Variants in PCDH9 observed in about 807,000 individuals in gnomAD.
The protein encoded by PCDH9 is protocadherin-9.
In PCDH9, 24 loss-of-function variants were observed where a neutral mutation model predicts 70.6. The ratio of observed to expected loss-of-function variants is 0.34; its 90% confidence interval spans 0.25 to 0.48. The LOEUF is 0.48. PCDH9 is among the 20% of genes least tolerant of loss of function. PCDH9 has a pLI of 0.99. For missense variants in PCDH9, 1,281 were observed against 1,503.6 expected (o/e 0.85, Z 2.45); for synonymous variants, 562 against 558.5 (o/e 1.01, Z -0.09).
intron 2 of PCDH9, among the ~76,000 whole-genome samples, chr13:66,943,592 C>T (rs180808740): frequency 6.6e-6 from 1 of 151,850 alleles, no homozygotes; most frequent in Non-Finnish European, 1.5e-5. Flanking sequence ...TTTTGAAAAC[C>T]CCTTTTTCAA....
intron 2 of PCDH9, among the ~76,000 whole-genome samples, chr13:66,905,193 A>T (rs1046361884): frequency 3.3e-5 from 5 of 152,054 alleles, no homozygotes; most frequent in African/African-American, 1.2e-4. Flanking sequence ...TCAAGAAAAA[A>T]AAAAGCATAG....
intron 4 of PCDH9, among the ~76,000 whole-genome samples, chr13:66,394,987 C>T (rs1957077940): frequency 6.6e-6 from 1 of 152,130 alleles, no homozygotes; most frequent in Non-Finnish European, 1.5e-5. Flanking sequence ...GAGAGAAATT[C>T]CAAAAGTTGC....
intron 4 of PCDH9, among the ~76,000 whole-genome samples, chr13:66,350,481 C>T (rs767589324): frequency 6.6e-6 from 1 of 152,114 alleles, no homozygotes; most frequent in Non-Finnish European, 1.5e-5. Flanking sequence ...CAGGCTCAGC[C>T]GTTAGTCTTC....
chr13:66,676,901 G>T (rs73198535), intron 3 of PCDH9, among the ~76,000 whole-genome samples: 34,645 of 151,884 alleles, frequency 0.23, 4,290 homozygotes, highest in Middle Eastern at 0.36. Flanking sequence ...AAAAACAAAA[G>T]AATTAATGTT....
intron 4 of PCDH9, among the ~76,000 whole-genome samples, chr13:66,589,522 G>C (rs2077011566): frequency 6.6e-6 from 1 of 152,012 alleles, no homozygotes; most frequent in South Asian, 2.1e-4. Flanking sequence ...AAAGTATAGA[G>C]CGGAATCTCA....
chr13:66,608,106 A>G (rs2077244026), intron 4 of PCDH9, among the ~76,000 whole-genome samples: 3 of 152,102 alleles, frequency 2.0e-5, no homozygotes, highest in African/African-American at 7.2e-5. Flanking sequence ...GTATTTTACA[A>G]CTGTATTTTG....
At chr13:67,098,231 A>G (rs1228868048) in intron 2 of PCDH9, among the ~76,000 whole-genome samples, 1 of 152,190 alleles carries the variant, frequency 6.6e-6, no homozygotes, top group Non-Finnish European at 1.5e-5. Context: ...ATTAATTTGC[A>G]AAATGTCAAA....
At chr13:66,622,150 A>C (rs2077430915) in intron 4 of PCDH9, among the ~76,000 whole-genome samples, 1 of 152,162 alleles carries the variant, frequency 6.6e-6, no homozygotes, top group Non-Finnish European at 1.5e-5. Context: ...CGGGCACTGC[A>C]CTCGATTTGT....
At chr13:66,972,753 T>A (rs2083547621) in intron 2 of PCDH9, among the ~76,000 whole-genome samples, 1 of 152,040 alleles carries the variant, frequency 6.6e-6, no homozygotes, top group Non-Finnish European at 1.5e-5. Flanking sequence ...CTCGTCTCCA[T>A]TACATTGATA....
At chr13:66,819,510 T>A (rs374852503) in intron 3 of PCDH9, among the ~76,000 whole-genome samples, 8 of 152,140 alleles carry the variant, frequency 5.3e-5, no homozygotes, top group African/African-American at 1.7e-4. Flanking sequence ...TGGAAATGAT[T>A]CAATGAAAGG....
intron 2 of PCDH9, among the ~76,000 whole-genome samples, chr13:66,979,075 T>C (rs1043781501): frequency 4.6e-5 from 7 of 152,088 alleles, no homozygotes; most frequent in Non-Finnish European, 5.9e-5. Flanking sequence ...AAGAAAGACA[T>C]GACGTTTTGT....
chr13:66,376,799 A>G (rs1283882381), intron 4 of PCDH9, among the ~76,000 whole-genome samples: 3 of 152,206 alleles, frequency 2.0e-5, no homozygotes, highest in Non-Finnish European at 4.4e-5. Context: ...TAAGGAGACT[A>G]CTGCCAAAAG....
intron 4 of PCDH9, among the ~76,000 whole-genome samples, chr13:66,505,622 C>A (rs1246564141): frequency 6.6e-6 from 1 of 152,072 alleles, no homozygotes; most frequent in Non-Finnish European, 1.5e-5. Flanking sequence ...TCACATCTTA[C>A]ATGGTGGCAG....
chr13:66,667,218 A>G (rs1021172975), intron 3 of PCDH9, among the ~76,000 whole-genome samples: 2 of 152,180 alleles, frequency 1.3e-5, no homozygotes, highest in Admixed American at 6.5e-5. Context: ...GAAAGGGAAG[A>G]AAAGGCTGGA....
chr13:66,641,254 G>C (rs577058062), intron 3 of PCDH9, among the ~76,000 whole-genome samples: 14 of 152,134 alleles, frequency 9.2e-5, no homozygotes, highest in Non-Finnish European at 1.6e-4. Context: ...AATGTCAATG[G>C]GAATGATGTA....
Position 67,227,009 on chromosome 13 carries a change from C to G in PCDH9, c.1432G>C (p.Val478Leu). The change falls in exon 2 of 5, where the codon GTT becomes CTT. Residue 478 changes from valine (V) to leucine (L), a missense_variant. Coordinates refer to ENST00000377865, the MANE Select transcript of PCDH9 (RefSeq NM_203487.3). The surrounding 1 kb of genome is among the most constrained non-coding windows in gnomAD (Gnocchi z 4.6). ...AACCCACGTCGGTTGTTTTCAGAAA[C>G]TGACAGCTCAATTACAGGCTGGTTG... ...IFNQPVIELS[V>L]SENNRRGLYL... The G allele has an allele frequency of 6.2e-7, 1 of 1,614,180 alleles. No individual in the cohort carries two copies. The highest frequency in any genetic ancestry group is 8.5e-7 in the Non-Finnish European group (1 of 1,180,030).
At chr13:66,722,974 A>C (rs1225747364) in intron 3 of PCDH9, among the ~76,000 whole-genome samples, 2 of 151,940 alleles carry the variant, frequency 1.3e-5, no homozygotes, top group Non-Finnish European at 2.9e-5. Flanking sequence ...TCTCAAAAAA[A>C]AAAAAAAAAA....
chr13:67,195,290 G>A (rs553791333), intron 2 of PCDH9, among the ~76,000 whole-genome samples: 41 of 151,928 alleles, frequency 2.7e-4, no homozygotes, highest in African/African-American at 8.9e-4. Flanking sequence ...GACTACAGGC[G>A]CCCTCCACCA....
chr13:67,216,687 T>TATATATATATATATATATGG (rs2089611372), intron 2 of PCDH9: 1 of 138,312 alleles, frequency 7.2e-6, no homozygotes, highest in African/African-American at 2.6e-5. Flanking sequence ...AAGCAACATA[T>TATATATATATATATATATGG]ATATATATAT....
Sources: allele counts gnomAD v4.1 joint callset (sites outside exome capture counted in the v4.1 genomes callset), GRCh38; gene constraint gnomAD v4.1.1; non-coding constraint Gnocchi (gnomAD v3.1); transcripts MANE v1.5; gene names NCBI Gene and HGNC (gene_info 2026-07-23, HGNC 2026-07-21).